The following TRIM5 variants were observed in gnomAD, a reference collection of about 807,000 sequenced individuals.
The protein encoded by TRIM5 is tripartite motif containing 5, also known as tripartite motif-containing protein 5.
In TRIM5, 31 loss-of-function variants were observed where a neutral mutation model predicts 35.6. The ratio of observed to expected loss-of-function variants is 0.87; its 90% CI spans 0.65 to 1.18. The LOEUF (loss-of-function observed/expected upper bound fraction) is 1.18. TRIM5 is among the 50% of genes most tolerant of loss of function. The pLI, the probability that TRIM5 is intolerant of heterozygous loss-of-function variation, is 0.00. For synonymous variants in TRIM5, 243 were observed against 215.6 expected, an observed-to-expected ratio of 1.13 and a Z score of -1.11; for missense variants, 609 against 591.6, an observed-to-expected ratio of 1.03 and a Z score of -0.31.
At chr11:5,604,675 C>G in the TRIM5 span, 1 of 1,592,118 alleles carries the variant, frequency 6.3e-7, no homozygotes, top group Non-Finnish European at 8.6e-7. Flanking sequence ...GGAATCATGG[C>G]AGGTCATAGG....
At chr11:5,682,933 A>C (rs2134140458) in intron 1 of TRIM5, among the ~76,000 whole-genome samples, 1 of 152,290 alleles carries the variant, frequency 6.6e-6, no homozygotes, top group East Asian at 1.9e-4. Context: ...CTCAGCTTGC[A>C]GGGAGGTGTG....
chr11:5,682,806 C>A (rs565168173), intron 1 of TRIM5, among the ~76,000 whole-genome samples: 10 of 152,362 alleles, frequency 6.6e-5, no homozygotes, highest in Non-Finnish European at 1.5e-4. Context: ...AGCCCTCACT[C>A]GCTCTTGGCG....
chr11:5,619,463 C>G, the TRIM5 span, among the ~76,000 whole-genome samples: 2 of 151,426 alleles, frequency 1.3e-5, no homozygotes, highest in Non-Finnish European at 2.9e-5. Flanking sequence ...CTTTTACTCT[C>G]TCTCTGCCAG....
At chr11:5,663,143 A>G (rs1850890250), downstream of TRIM5, 1 of 707,468 alleles carries the variant, frequency 1.4e-6, no homozygotes, top group African/African-American at 1.9e-5. Flanking sequence ...CAAACAAACA[A>G]ACAAACAAAC....
chr11:5,643,638 C>A, the TRIM5 span: 1 of 1,614,092 alleles, frequency 6.2e-7, no homozygotes, highest in Non-Finnish European at 8.5e-7. Flanking sequence ...TTGCTTTTCT[C>A]AGCCTGTTTA....
At chr11:5,627,331 G>A in the TRIM5 span, among the ~76,000 whole-genome samples, 2 of 152,052 alleles carry the variant, frequency 1.3e-5, no homozygotes, top group Admixed American at 6.6e-5. Flanking sequence ...AGTGAGCCGA[G>A]ATCATGCCAC....
chr11:5,610,413 A>C, the TRIM5 span: 1 of 1,589,920 alleles, frequency 6.3e-7, no homozygotes, highest in African/African-American at 1.3e-5. Context: ...AGGGGAGATG[A>C]AATGGCCAGG....
chr11:5,663,238 A>T lies in TRIM5; in HGVS notation c.*1571T>A, dbSNP rs1850894901. The T allele has an allele frequency of 1.1e-5, 10 of 949,616 alleles. No individual in the cohort carries two copies. The highest frequency in any genetic ancestry group is 1.3e-5 in the Non-Finnish European group (10 of 797,420). The allele number at this position is 949,616 out of a possible 1,614,324, so 58.8% of individuals were successfully genotyped here. A position where few individuals can be genotyped will look rare whatever the true frequency, so the allele number is the denominator to read the frequency against. On this transcript the variant is annotated 3_prime_UTR_variant, in exon 8 of 8. Transcript: ENST00000380034. The stretch of plus-strand genomic sequence containing the variant: ...TATTCAAAAAACTCGTTTAACTTTT[A>T]AAAAACTACATCAGCTAATTTTATT...
At position 5,667,579 on chromosome 11, in the gene TRIM5, AT is replaced by A. The variant is rs1453455693; in HGVS notation, c.767+109del. 15 of 1,192,728 alleles carry A rather than the reference AT, an allele frequency of 1.3e-5. No homozygotes were observed. In the African/African-American group the frequency reaches 2.0e-4, roughly 16 times the overall value. 73.9% of individuals were successfully genotyped at this position (1,192,728 alleles called of 1,614,324 possible). On this transcript the variant is annotated intron_variant, in intron 5 of 7. Transcript: ENST00000380034. ...AAATTTATGATAAAACAATATCGAA[AT>A]TTTTCTGCCCTGGGAGATGTTTTAT...
At chr11:5,640,036 CTA>C in the TRIM5 span, among the ~76,000 whole-genome samples, 2 of 152,258 alleles carry the variant, frequency 1.3e-5, no homozygotes, top group Non-Finnish European at 2.9e-5. Context: ...TTATTGTTGA[CTA>C]TAGTCACACT....
At chr11:5,675,207 A>T (rs10769171) in intron 4 of TRIM5, among the ~76,000 whole-genome samples, 85,461 of 124,518 alleles carry the variant, frequency 0.69, 26,235 homozygotes, top group Non-Finnish European at 0.75. Context: ...TTTTTGTATT[A>T]TTTTTTTTCA....
chr11:5,664,975 C>G lies in TRIM5; in HGVS notation c.1316G>C (p.Gly439Ala). Residue 439 changes from glycine (G) to alanine (A), a missense_variant, in exon 8 of 8, where the codon GGA becomes GCA. Transcript: ENST00000380034. ...LSVIICPDRV[G>A]VFLDYEACTV... ...GCAAGCCTCATAGTCTAGGAAAACT[C>G]CAACACGATCAGGACAAATAATCAC... 1 of 1,613,982 alleles carries G rather than the reference C, an allele frequency of 6.2e-7. No individual in the cohort carries two copies. The highest frequency in any genetic ancestry group is 8.5e-7 in the Non-Finnish European group (1 of 1,180,006).
At chr11:5,620,478 G>A in the TRIM5 span, among the ~76,000 whole-genome samples, 4 of 152,118 alleles carry the variant, frequency 2.6e-5, no homozygotes, top group African/African-American at 7.2e-5. Flanking sequence ...TGGGATTACA[G>A]GAGTGAGCCA....
chr11:5,678,820 A>T (rs28381980), intron 3 of TRIM5, among the ~76,000 whole-genome samples: 13,311 of 152,262 alleles, frequency 0.087, 614 homozygotes, highest in Non-Finnish European at 0.096. Context: ...GGACTCAAAA[A>T]GTAGCACAAA....
chr11:5,622,305 C>T, the TRIM5 span, among the ~76,000 whole-genome samples: 282 of 152,128 alleles, frequency 1.9e-3, no homozygotes, highest in African/African-American at 6.3e-3. Context: ...ATTAGCCGGG[C>T]GTTGTGGCAG....
chr11:5,617,656 T>G, the TRIM5 span, among the ~76,000 whole-genome samples: 2 of 142,208 alleles, frequency 1.4e-5, 1 homozygote, highest in South Asian at 4.7e-4. Flanking sequence ...GCCTGTCTAA[T>G]TTTTGTGTTT....
At chr11:5,643,490 CTCTGATCCCGAGGT>C in the TRIM5 span, 1 of 1,614,120 alleles carries the variant, frequency 6.2e-7, no homozygotes, top group East Asian at 2.2e-5. Flanking sequence ...AGTCTTTGTC[CTCTGATCCCGAGGT>C]TTTGACTCTC....
At chr11:5,596,001 C>T in the TRIM5 span, 3 of 152,496 alleles carry the variant, frequency 2.0e-5, no homozygotes, top group African/African-American at 7.2e-5. Context: ...TCTCCATCTC[C>T]CTTACCACCT....
At chr11:5,645,167 G>T in the TRIM5 span, among the ~76,000 whole-genome samples, 1 of 152,148 alleles carries the variant, frequency 6.6e-6, no homozygotes, top group Non-Finnish European at 1.5e-5. Context: ...CGAGAAGAGA[G>T]GATCACGTGA....
Sources: allele counts gnomAD v4.1 joint callset (sites outside exome capture counted in the v4.1 genomes callset), GRCh38; gene constraint gnomAD v4.1.1; transcripts MANE v1.5; gene names NCBI Gene and HGNC (gene_info 2026-07-23, HGNC 2026-07-21).